CCSER1: variants seen among roughly 807,000 people sequenced by gnomAD.
CCSER1 encodes serine-rich coiled-coil domain-containing protein 1.
Under a neutral mutation model 82.0 loss-of-function variants are expected in CCSER1, and 41 were observed. The observed-to-expected ratio is 0.50, with a 90% CI of 0.39 to 0.65. The LOEUF (loss-of-function observed/expected upper bound fraction) is 0.65. Among genes scored for constraint, CCSER1 ranks in the 30% least tolerant of loss-of-function variants. CCSER1 has a pLI of 0.00. For synonymous variants in CCSER1, 414 were observed against 383.9 expected (o/e 1.08, Z -0.92); for missense variants, 1,119 against 1,064.2 (o/e 1.05, Z -0.72).
chr4:90,396,843 A>G (rs1752032757), intron 3 of CCSER1, among the ~76,000 whole-genome samples: 1 of 152,000 alleles, frequency 6.6e-6, no homozygotes, highest in Non-Finnish European at 1.5e-5. Context: ...TCTGATAAGT[A>G]AAGGACCTTG....
At chr4:90,735,091 T>G (rs12513283) in intron 7 of CCSER1, among the ~76,000 whole-genome samples, 37,821 of 152,100 alleles carry the variant, frequency 0.25, 5,690 homozygotes, top group East Asian at 0.34. Flanking sequence ...TATATGTTTA[T>G]TGCCCTTCAT....
chr4:91,042,453 T>G (rs2150580042), intron 9 of CCSER1, among the ~76,000 whole-genome samples: 1 of 152,332 alleles, frequency 6.6e-6, no homozygotes, highest in Non-Finnish European at 1.5e-5. Context: ...GAAAACAGAC[T>G]AATATAGTTT....
At position 91,095,561 on chromosome 4, in the gene CCSER1, C is replaced by T. The variant is rs191670796; in HGVS notation, c.2217+9567C>T. On this transcript the variant is annotated intron_variant, in intron 10 of 10. Transcript: ENST00000509176. The stretch of plus-strand genomic sequence containing the variant: ...TCTCTGCAAAAACAGCCTGTTTTTG[C>T]GATTTCCTCCGGATATCTTCCATGC... Among the ~76,000 whole-genome samples, 24 of 152,218 alleles carry T rather than the reference C, an allele frequency of 1.6e-4. No homozygotes were observed. The East Asian group carries it at 2.5e-3, about 16-fold the overall frequency.
At chr4:90,432,909 A>G (rs529131208) in intron 4 of CCSER1, among the ~76,000 whole-genome samples, 4 of 151,982 alleles carry the variant, frequency 2.6e-5, no homozygotes, top group Admixed American at 6.6e-5. Context: ...CTTCCTCAAA[A>G]TCTCCCTACC....
intron 9 of CCSER1, among the ~76,000 whole-genome samples, chr4:90,949,925 T>C (rs1040171075): frequency 1.3e-5 from 2 of 152,116 alleles, no homozygotes; most frequent in Non-Finnish European, 2.9e-5. Context: ...GATAAAAAAC[T>C]TGCCTGCTGT....
At chr4:90,241,496 A>G (rs1746828368) in intron 1 of CCSER1, among the ~76,000 whole-genome samples, 1 of 152,192 alleles carries the variant, frequency 6.6e-6, no homozygotes, top group Non-Finnish European at 1.5e-5. Flanking sequence ...TAACATAGGA[A>G]TTACCAATGG....
intron 5 of CCSER1, among the ~76,000 whole-genome samples, chr4:90,471,673 G>GA (rs201390533): frequency 6.1e-5 from 9 of 147,914 alleles, no homozygotes; most frequent in Admixed American, 1.4e-4. Context: ...TTTCCCATAA[G>GA]AAAAAAAAAA....
intron 5 of CCSER1, chr4:90,468,622 T>C: frequency 3.9e-6 from 1 of 256,424 alleles, no homozygotes; most frequent in Non-Finnish European, 7.4e-6. Flanking sequence ...TTTATTTCCC[T>C]ACTCTGTGAT....
chr4:91,427,564 A>G (rs1754058529), intron 10 of CCSER1, among the ~76,000 whole-genome samples: 1 of 152,172 alleles, frequency 6.6e-6, no homozygotes, highest in Non-Finnish European at 1.5e-5. Context: ...TTGTAGGCAG[A>G]GGGCCAGCTT....
At position 90,254,972 on chromosome 4, in the gene CCSER1, TA is replaced by T. The variant is rs552830819; in HGVS notation, c.-41-53271del. Among the ~76,000 whole-genome samples the T allele has an allele frequency of 1.2e-4, 17 of 142,348 alleles. No individual in the cohort carries two copies. In the South Asian group the frequency reaches 2.4e-3, roughly 20 times the overall value. The allele number at this position is 142,348 out of a possible 152,430, so 93.4% of individuals were successfully genotyped here. A position where few individuals can be genotyped will look rare whatever the true frequency, so the allele number is the denominator to read the frequency against. The stretch of plus-strand genomic sequence containing the variant: ...ATATGTTGATATACATATCAACATA[TA>T]TATCAACACACACACACACACACAC... On this transcript the variant is annotated intron_variant, in intron 1 of 10. Coordinates refer to ENST00000509176, the MANE Select transcript of CCSER1 (RefSeq NM_001145065.2).
chr4:90,565,856 C>A (rs1179666769), intron 5 of CCSER1, among the ~76,000 whole-genome samples: 1 of 149,604 alleles, frequency 6.7e-6, no homozygotes, highest in Non-Finnish European at 1.5e-5. Flanking sequence ...TAGGATGAAT[C>A]CCTCTTGATT....
intron 7 of CCSER1, among the ~76,000 whole-genome samples, chr4:90,769,156 A>G (rs951585069): frequency 1.3e-5 from 2 of 152,180 alleles, no homozygotes; most frequent in African/African-American, 4.8e-5. Context: ...GTTTAAAGAC[A>G]TTATTGCTCA....
At chr4:90,535,249 C>T (rs1269932915) in intron 5 of CCSER1, among the ~76,000 whole-genome samples, 1 of 151,858 alleles carries the variant, frequency 6.6e-6, no homozygotes, top group African/African-American at 2.4e-5. Context: ...ATATTTTCCA[C>T]CTAGCTCAAT....
intron 5 of CCSER1, among the ~76,000 whole-genome samples, chr4:90,582,863 T>G (rs1437102865): frequency 1.3e-5 from 2 of 152,138 alleles, no homozygotes; most frequent in African/African-American, 4.8e-5. Flanking sequence ...AAAAATATAG[T>G]TTTTTGTTTG....
chr4:91,579,985 T>C (rs1763652183), intron 10 of CCSER1, among the ~76,000 whole-genome samples: 2 of 151,770 alleles, frequency 1.3e-5, no homozygotes, highest in Non-Finnish European at 2.9e-5. Flanking sequence ...GACACAATCA[T>C]GAGGGATAAA....
At chr4:90,225,276 A>G (rs1553963040) in intron 1 of CCSER1, among the ~76,000 whole-genome samples, 1 of 126,420 alleles carries the variant, frequency 7.9e-6, no homozygotes, top group Admixed American at 9.0e-5. Context: ...AGGTTTTTCC[A>G]TGTTTCCCAG....
At chr4:90,224,614 C>A (rs1253489154) in intron 1 of CCSER1, among the ~76,000 whole-genome samples, 3 of 152,114 alleles carry the variant, frequency 2.0e-5, no homozygotes, top group Non-Finnish European at 4.4e-5. Context: ...ACACATGAAA[C>A]ACACACGTAT....
In CCSER1 at chr4:90,635,193, G is replaced by A. The variant is rs1046158107; in HGVS notation, c.1932+6961G>A. 2.8e-4 allele frequency among the ~76,000 whole-genome samples: 43 copies of A among 151,592 alleles called. 2 individuals are homozygous for A. The East Asian group carries it at 8.1e-3, about 29-fold the overall frequency. ...AAATCAGAAAATTTCTAGAAGACTT[G>A]AACAATATTATCAATATTTTTAACC... is the stretch of plus-strand genomic sequence containing the variant. On this transcript the variant is annotated intron_variant, in intron 6 of 10. Coordinates refer to ENST00000509176, the MANE Select transcript of CCSER1 (RefSeq NM_001145065.2).
chr4:90,824,181 T>G (rs1264655171), intron 8 of CCSER1, among the ~76,000 whole-genome samples: 1 of 152,036 alleles, frequency 6.6e-6, no homozygotes. Flanking sequence ...TTCAACCTAC[T>G]GTGTTCTCAC....
Sources: allele counts gnomAD v4.1 joint callset (sites outside exome capture counted in the v4.1 genomes callset), GRCh38; gene constraint gnomAD v4.1.1; transcripts MANE v1.5; gene names NCBI Gene and HGNC (gene_info 2026-07-23, HGNC 2026-07-21).